The following WDR88 variants were observed in gnomAD, a reference collection of about 807,000 sequenced individuals.
The protein encoded by WDR88 is WD repeat-containing protein 88.
A neutral mutation model predicts 46.8 loss-of-function variants in WDR88; 40 were observed. The observed-to-expected ratio is 0.86, with a 90% CI of 0.66 to 1.11. WDR88 has a LOEUF of 1.11. WDR88 is among the 50% of genes most tolerant of loss of function. The pLI is 0.00. For missense variants in WDR88, 562 were observed against 602.4 expected, an observed-to-expected ratio of 0.93 and a Z score of 0.70; for synonymous variants, 235 against 240.7, an observed-to-expected ratio of 0.98 and a Z score of 0.22.
chr19:33,143,423 C>A (rs566539622), intron 2 of WDR88, among the ~76,000 whole-genome samples: 63 of 144,990 alleles, frequency 4.3e-4, no homozygotes, highest in Non-Finnish European at 7.6e-4. Context: ...GCAGGAGGAT[C>A]GCTTGAGCCA....
intron 9 of WDR88, among the ~76,000 whole-genome samples, chr19:33,165,976 T>G (rs1973946478): frequency 6.6e-6 from 1 of 151,762 alleles, no homozygotes; most frequent in Non-Finnish European, 1.5e-5. Context: ...AAAAAAAATC[T>G]TGGCTGGGCA....
At chr19:33,165,048 A>G (rs1973931159) in intron 9 of WDR88, among the ~76,000 whole-genome samples, 1 of 151,978 alleles carries the variant, frequency 6.6e-6, no homozygotes, top group Non-Finnish European at 1.5e-5. Flanking sequence ...GATCCCTTGC[A>G]TGCACAGTTC....
Position 33,146,461 on chromosome 19 carries a change from TTCTTTCCTTCCTTCC to T in WDR88, c.477-1182_477-1168del, listed in dbSNP as rs774349902. Among the ~76,000 whole-genome samples, 89 of 112,558 alleles carry T rather than the reference TTCTTTCCTTCCTTCC, an allele frequency of 7.9e-4. 1 individual carries two copies. Among genetic ancestry groups the T allele is most frequent in the Middle Eastern group, 4.2e-3 (1 of 240 alleles). The allele number at this position is 112,558 out of a possible 152,430, so 73.8% of individuals were successfully genotyped here. ...CTTCCTTCCTTCCTTCCTTCCTTCC[TTCTTTCCTTCCTTCC>T]TTCCTTCCTTCCTTCCTTCCCCTTC... On this transcript the variant is annotated intron_variant, in intron 3 of 10. Coordinates refer to ENST00000355868, the MANE Select transcript of WDR88 (RefSeq NM_173479.4).
rs751329072 is a variant in WDR88 at position 33,174,311 on chromosome 19, C to G, written c.1243-1085C>G. 265 of 1,522,090 alleles carry G rather than the reference C, an allele frequency of 1.7e-4. No individual in the cohort carries two copies. In the Middle Eastern group the frequency reaches 2.5e-3, roughly 14 times the overall value. 94.3% of individuals were successfully genotyped at this position (1,522,090 alleles called of 1,614,324 possible). On this transcript the variant is annotated intron_variant, in intron 10 of 10. Transcript: ENST00000355868. ...GCCTGCCCCAGGTAGGGTTTACCCC[C>G]CTCTCCAGCAGGCCTCAGTGTCCTG...
At position 33,132,151 on chromosome 19, in the gene WDR88, C is replaced by A. The variant is rs1462386485; in HGVS notation, c.-19C>A. 14 of 1,571,052 alleles carry A rather than the reference C, an allele frequency of 8.9e-6. No individual in the cohort carries two copies. The highest frequency in any genetic ancestry group is 1.0e-5 in the Non-Finnish European group (12 of 1,162,620). On this transcript the variant is annotated 5_prime_UTR_variant, in exon 1 of 11. Transcript: ENST00000355868. ...CCCATCCAGGCTTGTCGGCGGCCAC[C>A]GGCGGACCGGGCTTCGAGATGGCCT...
At chr19:33,140,210 A>G (rs1399647206) in intron 2 of WDR88, among the ~76,000 whole-genome samples, 1 of 152,152 alleles carries the variant, frequency 6.6e-6, no homozygotes, top group Non-Finnish European at 1.5e-5. Context: ...GCTGGAGTGC[A>G]GTGGTGCAAT....
At chr19:33,138,279 T>A (rs1170135425) in intron 2 of WDR88, among the ~76,000 whole-genome samples, 3 of 152,190 alleles carry the variant, frequency 2.0e-5, no homozygotes, top group Non-Finnish European at 4.4e-5. Context: ...CTTGAACTCC[T>A]GACCTCAGGT....
chr19:33,166,638 G>A (rs532484073), intron 9 of WDR88, among the ~76,000 whole-genome samples: 9 of 151,754 alleles, frequency 5.9e-5, no homozygotes, highest in South Asian at 2.1e-4. Context: ...TTGGCTAGGC[G>A]CAGTGGCTCA....
rs745987290 is a variant in WDR88, at chr19:33,141,227, G to GTTTTTT, written c.387+3448_387+3453dup. 7.8e-3 allele frequency among the ~76,000 whole-genome samples: 889 copies of GTTTTTT among 113,274 alleles called. 102 individuals carry two copies. Among genetic ancestry groups the GTTTTTT allele is most frequent in the African/African-American group, 0.017 (419 of 24,424 alleles). 74.3% of individuals were successfully genotyped at this position (113,274 alleles called of 152,430 possible). The stretch of plus-strand genomic sequence containing the variant: ...GCTGGGATTACAGGTGTGGGAGCAT[G>GTTTTTT]TTTTTTTTTTTTTCTTTTTTGACAC... On this transcript the variant is annotated intron_variant, in intron 2 of 10. Coordinates refer to ENST00000355868, the MANE Select transcript of WDR88 (RefSeq NM_173479.4).
At chr19:33,166,772 A>C (rs1411600645) in intron 9 of WDR88, among the ~76,000 whole-genome samples, 10 of 149,530 alleles carry the variant, frequency 6.7e-5, no homozygotes, top group Admixed American at 6.7e-4. Context: ...AATAGCTAGG[A>C]GTGGTGGCGC....
chr19:33,159,406 C>T (rs1409159332), intron 7 of WDR88, among the ~76,000 whole-genome samples: 1 of 151,560 alleles, frequency 6.6e-6, no homozygotes, highest in Non-Finnish European at 1.5e-5. Context: ...GATCCCTAAC[C>T]ACAGTGCCGA....
intron 1 of WDR88, among the ~76,000 whole-genome samples, chr19:33,136,482 C>T (rs981422206): frequency 2.0e-5 from 3 of 151,736 alleles, no homozygotes; most frequent in South Asian, 2.1e-4. Flanking sequence ...TGAGCCACCG[C>T]GCCCGGCCAC....
At position 33,156,620 on chromosome 19, in the gene WDR88, C is replaced by T. The variant is rs1973740937; in HGVS notation, c.997+78C>T. ...GTTCTCCATGTTCCGTTCAAATGGACAGAGAGGCAATTTCCAATGATGCTG... is the reference window on the plus strand; with the variant it reads ...GTTCTCCATGTTCCGTTCAAATGGATAGAGAGGCAATTTCCAATGATGCTG... On this transcript the variant is annotated intron_variant, in intron 7 of 10. Coordinates refer to ENST00000355868, the MANE Select transcript of WDR88 (RefSeq NM_173479.4). The T allele has an allele frequency of 3.4e-6, 5 of 1,464,396 alleles. No homozygotes were observed. The South Asian group carries it at 5.5e-5, about 16-fold the overall frequency. The allele number at this position is 1,464,396 out of a possible 1,614,324, so 90.7% of individuals were successfully genotyped here.
At chr19:33,160,065 C>T (rs997703881) in intron 7 of WDR88, among the ~76,000 whole-genome samples, 9 of 152,044 alleles carry the variant, frequency 5.9e-5, no homozygotes, top group Admixed American at 6.6e-5. Context: ...GACAGGAGGC[C>T]GAGCTCAGGT....
chr19:33,171,329 G>T (rs1974035574), intron 9 of WDR88, among the ~76,000 whole-genome samples: 1 of 152,134 alleles, frequency 6.6e-6, no homozygotes, highest in Non-Finnish European at 1.5e-5. Context: ...CTGGGAGGAT[G>T]TTTTTTGTTG....
At chr19:33,161,342 G>A (rs764963585) in intron 8 of WDR88, among the ~76,000 whole-genome samples, 3 of 152,106 alleles carry the variant, frequency 2.0e-5, no homozygotes, top group Non-Finnish European at 4.4e-5. Flanking sequence ...TCTATGATAC[G>A]GGGATGTGTT....
chr19:33,160,606 C>T, intron 8 of WDR88, 110 bp downstream of exon 8: 2 of 1,128,156 alleles, frequency 1.8e-6, no homozygotes, highest in Admixed American at 2.1e-5. Context: ...GCCTTGATGC[C>T]TCTGTGGGCT....
At chr19:33,156,113 G>A (rs940994523) in intron 6 of WDR88, among the ~76,000 whole-genome samples, 5 of 152,246 alleles carry the variant, frequency 3.3e-5, no homozygotes, top group African/African-American at 1.2e-4. Context: ...CTGGAACAGC[G>A]TGACAGTCTG....
intron 6 of WDR88, among the ~76,000 whole-genome samples, chr19:33,156,058 T>C (rs922023692): frequency 6.6e-6 from 1 of 152,220 alleles, no homozygotes; most frequent in East Asian, 1.9e-4. Flanking sequence ...AGCGAAACAC[T>C]GTCTCTATTA....
Sources: allele counts gnomAD v4.1 joint callset (sites outside exome capture counted in the v4.1 genomes callset), GRCh38; gene constraint gnomAD v4.1.1; transcripts MANE v1.5; gene names NCBI Gene and HGNC (gene_info 2026-07-23, HGNC 2026-07-21).